PEX5: variants seen among roughly 807,000 people sequenced by gnomAD.
PEX5 encodes the protein peroxisomal biogenesis factor 5.
Under a neutral mutation model 82.9 loss-of-function variants are expected in PEX5, and 52 were observed. The ratio of observed to expected loss-of-function variants is 0.63; its 90% CI spans 0.50 to 0.79. The LOEUF is 0.79. Ranked by LOEUF, PEX5 falls within the 30% of genes least tolerant of loss-of-function variation. PEX5 has a pLI of 0.00. For missense variants in PEX5, 719 were observed against 815.2 expected (o/e 0.88, Z 1.44); for synonymous variants, 300 against 318.8 (o/e 0.94, Z 0.63).
chr12:7,198,195 A>G (rs10770305), intron 5 of PEX5, among the ~76,000 whole-genome samples: 152,255 of 152,256 alleles, frequency 1, 76,127 homozygotes, highest in Middle Eastern at 1. Flanking sequence ...ACAGTTTCTA[A>G]AATTAGACTG....
downstream of PEX5, among the ~76,000 whole-genome samples, chr12:7,213,642 T>A (rs960715904): frequency 4.7e-5 from 7 of 147,558 alleles, no homozygotes; most frequent in South Asian, 1.3e-3. Flanking sequence ...AACCTAGGCA[T>A]TACCATTCAG....
chr12:7,191,584 A>G lies in PEX5; in HGVS notation c.332A>G (p.Asp111Gly). 1.2e-6 allele frequency: 2 copies of G among 1,614,116 alleles called. No homozygotes were observed. Among genetic ancestry groups the G allele is most frequent in the Non-Finnish European group, 1.7e-6 (2 of 1,179,992 alleles). The part of the protein sequence containing the change: ...QAPQRAPGVA[D>G]LALSENWAQE... ...CTCTTTTAAGCCCCTGGTGTGGCAG[A>G]CTTGGCCTTGTCTGAGAACTGGGCC... Residue 111 changes from aspartate (D) to glycine (G), a missense_variant, in exon 5 of 16, where the codon GAC becomes GGC. Physicochemically the swap from Asp to Gly is moderately conservative, Grantham distance 94 (BLOSUM62 -1). Coordinates refer to ENST00000675855, the MANE Select transcript of PEX5 (RefSeq NM_001351132.2).
At chr12:7,190,123 C>T (rs1940705807) in intron 1 of PEX5, 10 of 1,481,884 alleles carry the variant, frequency 6.7e-6, no homozygotes, top group South Asian at 5.3e-5. Flanking sequence ...GGACCGTAGT[C>T]GCGGAGGCCT....
chr12:7,189,578 C>T (rs12828992), upstream of PEX5: 19 of 241,434 alleles, frequency 7.9e-5, no homozygotes, highest in Admixed American at 1.7e-4. Context: ...CAGGCTGCGT[C>T]GCAGTCTTAA....
At chr12:7,218,454 T>C (rs1945841740) in exon 18 of PEX5, 1 of 152,234 alleles carries the variant, frequency 6.6e-6, no homozygotes, top group Non-Finnish European at 1.5e-5. Context: ...TGGAGTTTCC[T>C]TGGGATCCTG....
downstream of PEX5, among the ~76,000 whole-genome samples, chr12:7,214,792 CAT>C (rs1945732052): frequency 2.6e-5 from 4 of 152,032 alleles, no homozygotes; most frequent in South Asian, 8.3e-4. Flanking sequence ...ACATTAAAAA[CAT>C]GAATAGATGT....
intron 9 of PEX5, 96 bp downstream of exon 9, chr12:7,202,800 C>A: frequency 2.2e-6 from 2 of 890,050 alleles, no homozygotes; most frequent in Non-Finnish European, 3.8e-6. Flanking sequence ...AATTGTATTT[C>A]ATAGTGGACC....
At position 7,189,879 on chromosome 12, in the gene PEX5, G is replaced by C. The variant is rs1591637122; in HGVS notation, c.-17+129G>C. 3 of 1,376,142 alleles carry C rather than the reference G, an allele frequency of 2.2e-6. No individual in the cohort carries two copies. In the East Asian group the frequency reaches 8.5e-5, roughly 39 times the overall value. The allele number at this position is 1,376,142 out of a possible 1,614,324, so 85.2% of individuals were successfully genotyped here. A position where few individuals can be genotyped will look rare whatever the true frequency, so the allele number is the denominator to read the frequency against. On this transcript the variant is annotated intron_variant, in intron 1 of 15. Transcript: ENST00000675855. ...GCCGGGGAGATGGGCGGTGGGGAGCGCGGGAGGGACCGGGCCGAGCCGGGG... is the reference window on the plus strand; with the variant it reads ...GCCGGGGAGATGGGCGGTGGGGAGCCCGGGAGGGACCGGGCCGAGCCGGGG...
chr12:7,207,313 T>C lies in PEX5; in HGVS notation c.967-346T>C, dbSNP rs11044371. ...AGCTAGGGACACTTTGTCTCATTAC[T>C]ATAAGCAGATCCTGTTGAGACATTC... On this transcript the variant is annotated intron_variant, in intron 10 of 15. Coordinates refer to ENST00000675855, the MANE Select transcript of PEX5 (RefSeq NM_001351132.2). Among the ~76,000 whole-genome samples the C allele has an allele frequency of 2.4e-4, 37 of 152,326 alleles. 1 individual carries two copies. The East Asian group carries it at 7.1e-3, about 29-fold the overall frequency.
chr12:7,209,784 CT>C lies in PEX5; in HGVS notation c.1663del (p.Tyr555IlefsTer29). On this transcript the variant is annotated frameshift_variant, in exon 15 of 16. Coordinates refer to ENST00000675855, the MANE Select transcript of PEX5 (RefSeq NM_001351132.2). LOFTEE classifies it high-confidence loss of function. ...YRRALELQPG[Y>X]IRSRYNLGIS... ...GCCGGGCCCTCGAGCTCCAGCCTGG[CT>C]ATATCCGGTCCCGCTATAACCTGGG... 6.2e-7 allele frequency: 1 copy of C among 1,614,220 alleles called. No individual in the cohort carries two copies. Among genetic ancestry groups the C allele is most frequent in the Non-Finnish European group, 8.5e-7 (1 of 1,180,042 alleles).
Position 7,210,200 on chromosome 12 carries a change from A to C in PEX5, c.1897A>C (p.Thr633Pro), listed in dbSNP as rs200471952. 40 of 1,613,976 alleles carry C rather than the reference A, an allele frequency of 2.5e-5. No homozygotes were observed. In the African/African-American group the frequency reaches 4.4e-4, roughly 18 times the overall value. The change falls in exon 16 of 16, where the codon ACT becomes CCT. Residue 633 changes from threonine (T) to proline (P), a missense_variant. Thr to Pro is a conservative substitution (Grantham distance 38). Transcript: ENST00000675855. ...ADARDLSTLLTMFGLPQ is the reference protein window; with the variant it reads ...ADARDLSTLLPMFGLPQ Reference sequence around the variant, plus strand: ...CGCGCGGGATCTGTCCACCCTCCTAACTATGTTTGGCCTGCCCCAGTGACA... The same window carrying C: ...CGCGCGGGATCTGTCCACCCTCCTACCTATGTTTGGCCTGCCCCAGTGACA...
At position 7,209,086 on chromosome 12, in the gene PEX5, T is replaced by C; in HGVS notation, c.1476T>C (p.Cys492=). The change falls in exon 14 of 16, where the codon TGT becomes TGC. Residue 492 remains cysteine, a synonymous_variant. Transcript: ENST00000675855. The part of the protein sequence containing the change: ...DPTSIDPDVQ[C]GLGVLFNLSG... Reference sequence around the variant, plus strand: ...CCTCCATTGACCCTGATGTGCAGTGTGGCTTGGGAGTCCTTTTCAACCTGA... The same window carrying C: ...CCTCCATTGACCCTGATGTGCAGTGCGGCTTGGGAGTCCTTTTCAACCTGA... The C allele has an allele frequency of 5.0e-6, 8 of 1,614,128 alleles. No homozygotes were observed. Among genetic ancestry groups the C allele is most frequent in the Non-Finnish European group, 6.8e-6 (8 of 1,179,988 alleles).
At chr12:7,217,929 T>C (rs1945824687) in intron 17 of PEX5, among the ~76,000 whole-genome samples, 1 of 152,224 alleles carries the variant, frequency 6.6e-6, no homozygotes, top group African/African-American at 2.4e-5. Flanking sequence ...CTGTTGTCCC[T>C]TTGTGGTGGT....
Position 7,201,861 on chromosome 12 carries a change from T to G in PEX5, c.642+20T>G, listed in dbSNP as rs771584462. The G allele has an allele frequency of 1.3e-6, 2 of 1,570,586 alleles. No individual in the cohort carries two copies. Among genetic ancestry groups the G allele is most frequent in the Non-Finnish European group, 1.8e-6 (2 of 1,140,688 alleles). ...TCTGAGGTGAGCCACATCCCTCTGC[T>G]GCTTTGCCCAGCAGAGCTGGTTTTG... On this transcript the variant is annotated intron_variant, in intron 7 of 15. Transcript: ENST00000675855.
At chr12:7,203,114 C>T (rs976910792) in intron 9 of PEX5, among the ~76,000 whole-genome samples, 13 of 151,062 alleles carry the variant, frequency 8.6e-5, no homozygotes, top group South Asian at 2.1e-4. Context: ...GATGAGATCA[C>T]GCCATTGCAC....
chr12:7,199,584 A>G (rs1460639263), intron 6 of PEX5, among the ~76,000 whole-genome samples: 2 of 151,450 alleles, frequency 1.3e-5, no homozygotes, highest in Non-Finnish European at 3.0e-5. Context: ...AACAAAATGA[A>G]AAGTCTCCCA....
At chr12:7,196,028 A>ATATAT (rs1555174637) in intron 5 of PEX5, among the ~76,000 whole-genome samples, 1 of 79,524 alleles carries the variant, frequency 1.3e-5, no homozygotes, top group Non-Finnish European at 2.9e-5. Flanking sequence ...ATTATACATT[A>ATATAT]TATATTATAT....
At chr12:7,200,003 G>A (rs1197350246) in intron 6 of PEX5, among the ~76,000 whole-genome samples, 5 of 125,750 alleles carry the variant, frequency 4.0e-5, no homozygotes, top group Non-Finnish European at 6.8e-5. Flanking sequence ...CCCGGACGGG[G>A]CGGCTGGCCA....
At position 7,190,837 on chromosome 12, in the gene PEX5, CCT is replaced by C. The variant is rs755319463; in HGVS notation, c.148-50_148-49del. 2.5e-6 allele frequency: 4 copies of C among 1,572,148 alleles called. No individual in the cohort carries two copies. The Admixed American group carries it at 5.0e-5, about 20-fold the overall frequency. On this transcript the variant is annotated intron_variant, in intron 2 of 15. Transcript: ENST00000675855. ...CAGATGCCTATGGGCTTCATCAACCCCTGATTTTAGAGGAACTGCGTCATTGT... is the reference window on the plus strand; with the variant it reads ...CAGATGCCTATGGGCTTCATCAACCCGATTTTAGAGGAACTGCGTCATTGT...
Sources: gnomAD v4.1 joint callset for allele counts (sites outside exome capture counted in the v4.1 genomes callset) on GRCh38, gnomAD v4.1.1 for gene constraint, MANE v1.5 for transcripts, NCBI Gene and HGNC (gene_info 2026-07-23, HGNC 2026-07-21) for gene names.